The following CACNA2D3 variants were observed in gnomAD, a reference collection of about 807,000 sequenced individuals.
CACNA2D3 encodes the protein voltage-dependent calcium channel subunit alpha-2/delta-3.
In CACNA2D3, 60 loss-of-function variants were observed where a neutral mutation model predicts 160.6. The ratio of observed to expected loss-of-function variants is 0.37; its 90% CI spans 0.30 to 0.46. The LOEUF (loss-of-function observed/expected upper bound fraction) is 0.46, where lower values mean the gene tolerates loss of function less well. Among genes scored for constraint, CACNA2D3 ranks in the 20% least tolerant of loss-of-function variants. The probability of loss-of-function intolerance (pLI) is 1.00; values close to 1 mark genes in which losing one functional copy is unlikely to be tolerated. For synonymous variants in CACNA2D3, 558 were observed against 492.9 expected (o/e 1.13, Z -1.75); for missense variants, 1,205 against 1,365.0 (o/e 0.88, Z 1.85).
At position 55,072,268 on chromosome 3, in the gene CACNA2D3, G is replaced by A. The variant is rs539326507; in HGVS notation, c.2988-1177G>A. ...AACATAACTGTGGAATATTAGATGG[G>A]CATTGGGCATTTATAGAAAAGAAAG... On this transcript the variant is annotated intron_variant, in intron 35 of 37. Coordinates refer to ENST00000474759, the MANE Select transcript of CACNA2D3 (RefSeq NM_018398.3). 7.9e-5 allele frequency among the ~76,000 whole-genome samples: 12 copies of A among 152,272 alleles called. 1 individual carries two copies. In the South Asian group the frequency reaches 2.5e-3, roughly 32 times the overall value.
chr3:55,020,409 T>G (rs1413090730), intron 35 of CACNA2D3, among the ~76,000 whole-genome samples: 1 of 149,124 alleles, frequency 6.7e-6, no homozygotes, highest in Non-Finnish European at 1.5e-5. Flanking sequence ...ATAATACATA[T>G]GTATATGTAT....
chr3:54,447,175 A>G (rs1160718043), intron 4 of CACNA2D3, among the ~76,000 whole-genome samples: 1 of 152,240 alleles, frequency 6.6e-6, no homozygotes, highest in Non-Finnish European at 1.5e-5. Context: ...CACCACATGC[A>G]TGGCAGCTGC....
intron 5 of CACNA2D3, among the ~76,000 whole-genome samples, chr3:54,557,134 CTG>C (rs1559512046): frequency 6.6e-6 from 1 of 152,142 alleles, no homozygotes; most frequent in Non-Finnish European, 1.5e-5. Flanking sequence ...AATCAATACA[CTG>C]TGATTATGTT....
At chr3:54,823,880 A>C (rs953115820) in intron 14 of CACNA2D3, among the ~76,000 whole-genome samples, 1 of 152,210 alleles carries the variant, frequency 6.6e-6, no homozygotes, top group African/African-American at 2.4e-5. Context: ...CATATTTCAA[A>C]TTCTGTATTA....
At chr3:54,491,999 CAT>C (rs1701118324) in intron 4 of CACNA2D3, among the ~76,000 whole-genome samples, 1 of 152,182 alleles carries the variant, frequency 6.6e-6, no homozygotes, top group African/African-American at 2.4e-5. Context: ...GGCACGCAAA[CAT>C]AGCCTTTTTG....
intron 11 of CACNA2D3, among the ~76,000 whole-genome samples, chr3:54,644,994 A>G (rs1198629346): frequency 1.3e-5 from 2 of 152,240 alleles, no homozygotes; most frequent in Non-Finnish European, 2.9e-5. Context: ...AAAACTGTCA[A>G]TTACCAATCA....
chr3:54,745,050 A>G (rs898186661), intron 11 of CACNA2D3, among the ~76,000 whole-genome samples: 4 of 152,366 alleles, frequency 2.6e-5, no homozygotes, highest in Admixed American at 2.6e-4. Context: ...ACAGACACAG[A>G]AATGATTGTC....
rs571849623 is a variant in CACNA2D3 at position 54,265,516 on chromosome 3, C to G, written c.205-54926C>G. On this transcript the variant is annotated intron_variant, in intron 2 of 37. Coordinates refer to ENST00000474759, the MANE Select transcript of CACNA2D3 (RefSeq NM_018398.3). Reference sequence around the variant, plus strand: ...AACCTGCACATTCTGCACATGTATCCCAGAACTTAAAGTATGTGTGTGTGT... The same window carrying G: ...AACCTGCACATTCTGCACATGTATCGCAGAACTTAAAGTATGTGTGTGTGT... Among the ~76,000 whole-genome samples the G allele has an allele frequency of 1.4e-3, 204 of 147,624 alleles. 1 individual carries two copies. Among genetic ancestry groups the G allele is most frequent in the African/African-American group, 4.9e-3 (194 of 39,480 alleles).
At chr3:54,287,879 G>A (rs980307560) in intron 2 of CACNA2D3, among the ~76,000 whole-genome samples, 2 of 149,810 alleles carry the variant, frequency 1.3e-5, no homozygotes, top group Non-Finnish European at 1.5e-5. Flanking sequence ...TGAAACCAAC[G>A]AGAACAAAGG....
chr3:54,328,572 A>G (rs11711451), intron 3 of CACNA2D3, among the ~76,000 whole-genome samples: 12,845 of 152,204 alleles, frequency 0.084, 610 homozygotes, highest in Middle Eastern at 0.14. Context: ...ATGAGCCACC[A>G]CGCCTGGCCT....
intron 11 of CACNA2D3, among the ~76,000 whole-genome samples, chr3:54,707,814 C>T (rs777374542): frequency 6.6e-5 from 10 of 152,140 alleles, no homozygotes; most frequent in Non-Finnish European, 1.3e-4. Context: ...TTGCTTGTTT[C>T]ACTTCAGCAG....
chr3:54,722,390 C>A (rs1701184428), intron 11 of CACNA2D3, among the ~76,000 whole-genome samples: 1 of 152,166 alleles, frequency 6.6e-6, no homozygotes, highest in Admixed American at 6.5e-5. Flanking sequence ...TTATTACCCA[C>A]CTTCTGAAGC....
At chr3:54,728,071 T>A (rs1701311436) in intron 11 of CACNA2D3, among the ~76,000 whole-genome samples, 1 of 152,214 alleles carries the variant, frequency 6.6e-6, no homozygotes, top group Admixed American at 6.5e-5. Flanking sequence ...ATGTTTTCTT[T>A]TGCATTTATT....
chr3:55,035,469 C>G (rs358452), intron 35 of CACNA2D3, among the ~76,000 whole-genome samples: 10,428 of 152,104 alleles, frequency 0.069, 1,188 homozygotes, highest in African/African-American at 0.24. Context: ...ATTAATGGAC[C>G]CTGATTAAAA....
chr3:54,558,576 C>T lies in CACNA2D3; in HGVS notation c.545-4224C>T, dbSNP rs150557314. ...TGATCCTCACCCTCCTCCCACCCTC[C>T]ACCCTCAAGTAGGCCCCAGTGTGTG... On this transcript the variant is annotated intron_variant, in intron 5 of 37. Transcript: ENST00000474759. Among the ~76,000 whole-genome samples the T allele has an allele frequency of 6.6e-3, 998 of 152,252 alleles. 19 individuals are homozygous for T. The highest frequency in any genetic ancestry group is 0.038 in the South Asian group (183 of 4,820).
chr3:54,894,457 C>G (rs2106874842), intron 25 of CACNA2D3, among the ~76,000 whole-genome samples: 1 of 152,230 alleles, frequency 6.6e-6, no homozygotes, highest in Admixed American at 6.5e-5. Flanking sequence ...ACCCCCAAAG[C>G]CTGAATGTCA....
chr3:55,033,726 A>T (rs1390957549), intron 35 of CACNA2D3, among the ~76,000 whole-genome samples: 10 of 125,006 alleles, frequency 8.0e-5, no homozygotes, highest in African/African-American at 2.9e-4. Context: ...TTATATATTA[A>T]ATATATTTTA....
intron 2 of CACNA2D3, among the ~76,000 whole-genome samples, chr3:54,235,728 A>C (rs1173320715): frequency 1.3e-5 from 2 of 152,256 alleles, no homozygotes; most frequent in Non-Finnish European, 2.9e-5. Context: ...ATTGTAACCC[A>C]AATTATAAAA....
chr3:54,710,825 T>C (rs1196823523), intron 11 of CACNA2D3, among the ~76,000 whole-genome samples: 3 of 152,210 alleles, frequency 2.0e-5, no homozygotes, highest in African/African-American at 7.2e-5. Context: ...TTACAACCAT[T>C]ACTATAGATT....
Sources: gnomAD v4.1 joint callset for allele counts (sites outside exome capture counted in the v4.1 genomes callset) on GRCh38, gnomAD v4.1.1 for gene constraint, MANE v1.5 for transcripts, NCBI Gene and HGNC (gene_info 2026-07-23, HGNC 2026-07-21) for gene names.